The following NACA variants were observed in gnomAD, a reference collection of about 807,000 sequenced individuals.
NACA encodes the protein nascent polypeptide associated complex subunit alpha.
Under a neutral mutation model 86.4 loss-of-function variants are expected in NACA, and 42 were observed. The observed-to-expected ratio is 0.49, with a 90% CI of 0.38 to 0.63. NACA has a LOEUF of 0.63. Ranked by LOEUF, NACA falls within the 20% of genes least tolerant of loss-of-function variation. NACA has a pLI of 0.00. For missense variants in NACA, 2,157 were observed against 2,483.6 expected (o/e 0.87, Z 2.80); for synonymous variants, 898 against 973.7 (o/e 0.92, Z 1.45).
Position 56,718,137 on chromosome 12 carries a change from TGC to T in NACA, c.3391_3392del (p.Ala1131AsnfsTer213). ...GACCTCCTTTTGGGGAGGGAGGAGTTGCAGCTGGGGTTGTGGGTGCCCCTTTG... is the reference window on the plus strand; with the variant it reads ...GACCTCCTTTTGGGGAGGGAGGAGTTAGCTGGGGTTGTGGGTGCCCCTTTG... ...PHKGAPTTPA[A>X]TPPSPKGGLA... On this transcript the variant is annotated frameshift_variant, in exon 3 of 9. Transcript: ENST00000454682. LOFTEE classifies it high-confidence loss of function. 8.3e-6 allele frequency: 6 copies of T among 725,270 alleles called. No homozygotes were observed. Among genetic ancestry groups the T allele is most frequent in the Non-Finnish European group, 8.3e-6 (5 of 604,970 alleles). 44.9% of individuals were successfully genotyped at this position (725,270 alleles called of 1,614,324 possible).
Position 56,717,666 on chromosome 12 carries a change from A to ATTG in NACA, c.3861_3863dup (p.Asn1288dup), listed in dbSNP as rs758965593. 4.6e-6 allele frequency: 5 copies of ATTG among 1,086,742 alleles called. No individual in the cohort carries two copies. The African/African-American group carries it at 1.1e-4, about 23-fold the overall frequency. 67.3% of individuals were successfully genotyped at this position (1,086,742 alleles called of 1,614,324 possible). The stretch of plus-strand genomic sequence containing the variant: ...GAGAGGGAGGAGTTACAACTGCGGG[A>ATTG]TTGGGGGCCCCTTTGTGGGGTGGGG... On this transcript the variant is annotated inframe_insertion, in exon 3 of 9. Coordinates refer to ENST00000454682, the MANE Select transcript of NACA (RefSeq NM_001365896.1).
rs1242468763 is a variant in NACA, at chr12:56,725,290, C to G, written c.-30G>C. The G allele has an allele frequency of 1.3e-5, 2 of 153,632 alleles. No individual in the cohort carries two copies. The highest frequency in any genetic ancestry group is 2.9e-5 in the Non-Finnish European group (2 of 68,688). 9.5% of individuals were successfully genotyped at this position (153,632 alleles called of 1,614,324 possible). ...TGCAGGGAACGCGGAACCAAGATGG[C>G]GGCAGAAAGACCGAGCGAGAGCGTG... On this transcript the variant is annotated 5_prime_UTR_variant, in exon 1 of 9. Transcript: ENST00000454682.
rs779063871 is a variant in NACA, at chr12:56,720,962, T to C, written c.568A>G (p.Lys190Glu). Residue 190 changes from lysine (K) to glutamate (E), a missense_variant, in exon 3 of 9, where the codon AAA becomes GAA. Coordinates refer to ENST00000454682, the MANE Select transcript of NACA (RefSeq NM_001365896.1). ...TTAGGGACTACCTCAGAGGGAACTTTATTAAGATTAGTCTTTGGTTCTGAG... is the reference window on the plus strand; with the variant it reads ...TTAGGGACTACCTCAGAGGGAACTTCATTAAGATTAGTCTTTGGTTCTGAG... Reference protein sequence around the residue: ...APSEPKTNLNKVPSEVVPNPK... With the variant: ...APSEPKTNLNEVPSEVVPNPK... 21 of 1,613,968 alleles carry C rather than the reference T, an allele frequency of 1.3e-5. No homozygotes were observed. The highest frequency in any genetic ancestry group is 1.6e-5 in the Non-Finnish European group (19 of 1,179,878).
At position 56,721,046 on chromosome 12, in the gene NACA, G is replaced by A; in HGVS notation, c.484C>T (p.Pro162Ser). 1 of 1,613,994 alleles carries A rather than the reference G, an allele frequency of 6.2e-7. No individual in the cohort carries two copies. Among genetic ancestry groups the A allele is most frequent in the Non-Finnish European group, 8.5e-7 (1 of 1,179,882 alleles). Reference protein sequence around the residue: ...AFPPNLLTSPPSVAVAESGSV... With the variant: ...AFPPNLLTSPSSVAVAESGSV... Reference sequence around the variant, plus strand: ...CCTGACTCAGCTACAGCCACTGAAGGAGGTGAAGTAAGAAGGTTAGGTGGA... The same window carrying A: ...CCTGACTCAGCTACAGCCACTGAAGAAGGTGAAGTAAGAAGGTTAGGTGGA... The change falls in exon 3 of 9, where the codon CCT (proline) becomes TCT (serine). Residue 162 changes from proline to serine, a missense_variant. By Grantham distance (74) the Pro-to-Ser change is moderately conservative. This residue lies in a region of NACA where 947 missense variants were observed against 917.9 expected (regional missense o/e 1.03). Coordinates refer to ENST00000454682, the MANE Select transcript of NACA (RefSeq NM_001365896.1).
Position 56,712,773 on chromosome 12 carries a change from C to T in NACA, c.6222+13G>A. The T allele has an allele frequency of 6.2e-7, 1 of 1,614,192 alleles. No homozygotes were observed. The highest frequency in any genetic ancestry group is 8.5e-7 in the Non-Finnish European group (1 of 1,180,016). On this transcript the variant is annotated intron_variant, in intron 8 of 8. Transcript: ENST00000454682. ...GGCAGAGGGAGTCAAGGAACAAAGG[C>T]TTGAACACTTACCATAATCGCATTT...
intron 4 of NACA, 43 bp from the exon 5 acceptor site, chr12:56,714,482 C>T: frequency 6.2e-7 from 1 of 1,607,690 alleles, no homozygotes. Context: ...AATCTAAGAT[C>T]TGGATAGCAC....
chr12:56,715,207 T>C (rs1953318579), intron 3 of NACA, among the ~76,000 whole-genome samples: 1 of 152,164 alleles, frequency 6.6e-6, no homozygotes, highest in Admixed American at 6.5e-5. Context: ...TTTCAAACCA[T>C]TCACCCCAGC....
chr12:56,722,193 C>T (rs781030172), intron 2 of NACA, among the ~76,000 whole-genome samples: 2 of 152,132 alleles, frequency 1.3e-5, no homozygotes, highest in African/African-American at 4.8e-5. Context: ...ACTCACAAAA[C>T]CCAAACAAGA....
In NACA at chr12:56,716,968, G is replaced by A; in HGVS notation, c.4562C>T (p.Ser1521Phe). Reference sequence around the variant, plus strand: ...TGGGGCAATGGGGTCCCTTCTGGAGGATGGGGTAGCTGGGACCTCTTTGGG... The same window carrying A: ...TGGGGCAATGGGGTCCCTTCTGGAGAATGGGGTAGCTGGGACCTCTTTGGG... ...SSPKEVPATP[S>F]SRRDPIAPTA... Residue 1521 changes from serine to phenylalanine, a missense_variant, in exon 3 of 9, where the codon TCC becomes TTC. Ser to Phe is a radical substitution (Grantham distance 155). Around this residue, in one of 8 missense-constraint regions of NACA, gnomAD observed 797 missense variants for 777.6 expected, o/e 1.02. Coordinates refer to ENST00000454682, the MANE Select transcript of NACA (RefSeq NM_001365896.1). 1.5e-6 allele frequency: 2 copies of A among 1,299,676 alleles called. No homozygotes were observed. Among genetic ancestry groups the A allele is most frequent in the South Asian group, 1.6e-5 (1 of 61,364 alleles). 80.5% of individuals were successfully genotyped at this position (1,299,676 alleles called of 1,614,324 possible).
intron 2 of NACA, among the ~76,000 whole-genome samples, chr12:56,721,992 G>A (rs535202162): frequency 1.3e-5 from 2 of 152,288 alleles, no homozygotes; most frequent in South Asian, 4.1e-4. Flanking sequence ...TGGGGAATCT[G>A]AACTGAATAA....
Position 56,718,568 on chromosome 12 carries a change from GT to G in NACA, c.2961del (p.Pro989GlnfsTer26). Reference sequence around the variant, plus strand: ...GGGGAGGGAGGAGTTGCAGCTGGGGGTGTGGGGGCCCCTTTGGGGGATGGAG... The same window carrying G: ...GGGGAGGGAGGAGTTGCAGCTGGGGGGTGGGGGCCCCTTTGGGGGATGGAG... ...PATPSPKGAPTPPAATPPSPK... is the reference protein window; with the variant it reads ...PATPSPKGAPXPPAATPPSPK... On this transcript the variant is annotated frameshift_variant, in exon 3 of 9. Coordinates refer to ENST00000454682, the MANE Select transcript of NACA (RefSeq NM_001365896.1). LOFTEE classifies it high-confidence loss of function. 4.0e-5 allele frequency: 50 copies of G among 1,254,680 alleles called. No individual in the cohort carries two copies. Among genetic ancestry groups the G allele is most frequent in the South Asian group, 1.2e-4 (8 of 67,132 alleles). 77.7% of individuals were successfully genotyped at this position (1,254,680 alleles called of 1,614,324 possible). A position where few individuals can be genotyped will look rare whatever the true frequency, so the allele number is the denominator to read the frequency against.
chr12:56,723,795 CAG>C (rs763025859), intron 2 of NACA, among the ~76,000 whole-genome samples: 1 of 152,154 alleles, frequency 6.6e-6, no homozygotes, highest in African/African-American at 2.4e-5. Flanking sequence ...AAGTTTTCTA[CAG>C]AGATATGTTT....
Position 56,719,730 on chromosome 12 carries a change from AG to A in NACA, c.1799del (p.Pro600LeufsTer2). 4 of 1,613,938 alleles carry A rather than the reference AG, an allele frequency of 2.5e-6. No individual in the cohort carries two copies. The highest frequency in any genetic ancestry group is 3.4e-6 in the Non-Finnish European group (4 of 1,179,868). On this transcript the variant is annotated frameshift_variant, in exon 3 of 9. Coordinates refer to ENST00000454682, the MANE Select transcript of NACA (RefSeq NM_001365896.1). LOFTEE classifies it high-confidence loss of function. ...TCATACTGCTGGCTGGCTTACCTAT[AG>A]GGAGAGGCTCCCCAAGGCTTTTCTT... ...LAKKSLGEPL[P>X]IGKPASSMTS...
At chr12:56,713,216 TG>T in intron 6 of NACA, 26 bp from the exon 7 acceptor site, 1 of 1,611,588 alleles carries the variant, frequency 6.2e-7, no homozygotes, top group East Asian at 2.2e-5. Flanking sequence ...TACAGATCCA[TG>T]TGAGTAGATT....
In NACA at chr12:56,720,733, A is replaced by G. The variant is rs1484947054; in HGVS notation, c.797T>C (p.Leu266Pro). The G allele has an allele frequency of 6.2e-7, 1 of 1,614,004 alleles. No homozygotes were observed. Among genetic ancestry groups the G allele is most frequent in the Non-Finnish European group, 8.5e-7 (1 of 1,179,902 alleles). ...AGCAGGTGGACTAACAGGCCCCTTC[A>G]GGCTGAGGCTTCCTGGGTTTTGTGG... ...ISPQNPGSLS[L>P]KGPVSPPAAL... The change falls in exon 3 of 9, where the codon CTG becomes CCG. Residue 266 changes from leucine (L) to proline (P), a missense_variant. Physicochemically the swap from Leu to Pro is moderately conservative, Grantham distance 98 (BLOSUM62 -3). Around this residue, in one of 8 missense-constraint regions of NACA, gnomAD observed 947 missense variants for 917.9 expected, o/e 1.03. Coordinates refer to ENST00000454682, the MANE Select transcript of NACA (RefSeq NM_001365896.1).
At chr12:56,712,680 T>C in intron 8 of NACA, 106 bp downstream of exon 8, 1 of 1,600,532 alleles carries the variant, frequency 6.2e-7, no homozygotes, top group Non-Finnish European at 8.5e-7. Context: ...CAGAAGAGGC[T>C]CTGGAATGAG....
At position 56,719,605 on chromosome 12, in the gene NACA, G is replaced by A. The variant is rs1320801525; in HGVS notation, c.1925C>T (p.Thr642Ile). The change falls in exon 3 of 9, where the codon ACC (threonine) becomes ATC (isoleucine). Residue 642 changes from threonine to isoleucine, a missense_variant. Physicochemically the swap from Thr to Ile is moderately conservative, Grantham distance 89. Around this residue, in one of 8 missense-constraint regions of NACA, gnomAD observed 947 missense variants for 917.9 expected, o/e 1.03. Transcript: ENST00000454682. ...CAAAGGAAATGCAGCCACTGTTGGG[G>A]TAATGAGAGAACTTTTGAGAAGCGG... ...AGPLLKSSLI[T>I]PTVAAFPLES... The A allele has an allele frequency of 2.5e-6, 4 of 1,613,846 alleles. No individual in the cohort carries two copies. The highest frequency in any genetic ancestry group is 3.3e-5 in the Admixed American group (2 of 59,992).
chr12:56,721,363 C>G lies in NACA; in HGVS notation c.167G>C (p.Cys56Ser). Residue 56 changes from cysteine (C) to serine (S), a missense_variant, in exon 3 of 9, where the codon TGC becomes TCC. Coordinates refer to ENST00000454682, the MANE Select transcript of NACA (RefSeq NM_001365896.1). The part of the protein sequence containing the change: ...PPPCSPAPQQ[C>S]PLSAANQASP... ...AGCCTGGTTAGCAGCTGAGAGAGGG[C>G]ACTGTTGTGGGGCAGGAGAGCAAGG... The G allele has an allele frequency of 6.2e-7, 1 of 1,601,750 alleles. No homozygotes were observed. Among genetic ancestry groups the G allele is most frequent in the Non-Finnish European group, 8.5e-7 (1 of 1,174,954 alleles).
intron 1 of NACA, 53 bp from the exon 2 acceptor site, chr12:56,724,576 G>C: frequency 6.5e-7 from 1 of 1,545,152 alleles, no homozygotes; most frequent in Non-Finnish European, 8.8e-7. Flanking sequence ...ACATTCACTT[G>C]CCCAACCCGG....
Sources: allele counts gnomAD v4.1 joint callset (sites outside exome capture counted in the v4.1 genomes callset), GRCh38; gene constraint gnomAD v4.1.1; regional missense constraint gnomAD v4.1.1; transcripts MANE v1.5; gene names NCBI Gene and HGNC (gene_info 2026-07-23, HGNC 2026-07-21).